PRKN: variants seen among roughly 807,000 people sequenced by gnomAD.
The protein encoded by PRKN is parkin RBR E3 ubiquitin protein ligase.
PRKN carries 56 observed loss-of-function variants against 59.5 expected under a neutral mutation model. That is an observed-to-expected ratio of 0.94 (90% CI 0.76 to 1.18). The LOEUF is 1.18. Ranked by LOEUF, PRKN falls within the 50% of genes most tolerant of loss-of-function variation. The pLI is 0.00. For synonymous variants in PRKN, 250 were observed against 222.1 expected (o/e 1.13, Z -1.12); for missense variants, 657 against 596.4 (o/e 1.10, Z -1.06).
At chr6:162,257,331 T>C (rs1393284131) in intron 3 of PRKN, among the ~76,000 whole-genome samples, 1 of 152,104 alleles carries the variant, frequency 6.6e-6, no homozygotes, top group Non-Finnish European at 1.5e-5. Flanking sequence ...CAAAAAATTC[T>C]GAAAAAGTAG....
At chr6:161,837,297 A>G (rs774795761) in intron 6 of PRKN, among the ~76,000 whole-genome samples, 11 of 152,166 alleles carry the variant, frequency 7.2e-5, no homozygotes, top group Non-Finnish European at 1.6e-4. Flanking sequence ...AACATTGAAG[A>G]GGAAAATTTA....
chr6:161,729,548 A>G (rs1293177901), intron 7 of PRKN, among the ~76,000 whole-genome samples: 1 of 152,188 alleles, frequency 6.6e-6, no homozygotes. Flanking sequence ...TTACAGTTCA[A>G]GGCAATTTCT....
Position 161,459,296 on chromosome 6 carries a change from T to C in PRKN, c.1084-72419A>G, listed in dbSNP as rs376525821. Among the ~76,000 whole-genome samples the C allele has an allele frequency of 6.6e-6, 1 of 152,242 alleles. No homozygotes were observed. Among genetic ancestry groups the C allele is most frequent in the African/African-American group, 2.4e-5 (1 of 41,464 alleles). On this transcript the variant is annotated intron_variant, in intron 9 of 11. Coordinates refer to ENST00000366898, the MANE Select transcript of PRKN (RefSeq NM_004562.3). The surrounding 1 kb of genome is among the most constrained non-coding windows in gnomAD (Gnocchi z 4.8). Reference sequence around the variant, plus strand: ...CCTAAAGGAAATGCTGTGGTCTCTCTCTTAAGAATGAGAACATTCTCAGAA... The same window carrying C: ...CCTAAAGGAAATGCTGTGGTCTCTCCCTTAAGAATGAGAACATTCTCAGAA...
chr6:161,876,559 C>A (rs1487021140), intron 6 of PRKN, among the ~76,000 whole-genome samples: 1 of 152,112 alleles, frequency 6.6e-6, no homozygotes, highest in Non-Finnish European at 1.5e-5. Context: ...GTGATCCTTT[C>A]TCCTTCGCAT....
chr6:162,299,347 G>A (rs865881050), intron 2 of PRKN, among the ~76,000 whole-genome samples: 13 of 152,218 alleles, frequency 8.5e-5, no homozygotes, highest in South Asian at 4.2e-4. Context: ...TGTCTCTCCC[G>A]GTGGGTAAGA....
Position 161,400,449 on chromosome 6 carries a change from A to C in PRKN, c.1084-13572T>G, listed in dbSNP as rs1786978804. ...CAGCCTCCCAAGTAGCTGGAATTAC[A>C]GGTGTGTGCCACCACGCCCAGCTAA... On this transcript the variant is annotated intron_variant, in intron 9 of 11. Transcript: ENST00000366898. This position sits in a 1 kb window ranked among gnomAD's most constrained non-coding sequence, Gnocchi z 4.2. Among the ~76,000 whole-genome samples, 1 of 151,978 alleles carries C rather than the reference A, an allele frequency of 6.6e-6. No homozygotes were observed. Among genetic ancestry groups the C allele is most frequent in the South Asian group, 2.1e-4 (1 of 4,824 alleles).
intron 7 of PRKN, among the ~76,000 whole-genome samples, chr6:161,682,998 T>G (rs773697239): frequency 6.6e-6 from 1 of 152,156 alleles, no homozygotes; most frequent in African/African-American, 2.4e-5. Context: ...CTGGCGGTGG[T>G]GAGGGCTCCT....
Position 161,400,184 on chromosome 6 carries a change from C to G in PRKN, c.1084-13307G>C, listed in dbSNP as rs926093342. Among the ~76,000 whole-genome samples the G allele has an allele frequency of 1.1e-4, 16 of 152,092 alleles. No homozygotes were observed. The highest frequency in any genetic ancestry group is 3.9e-4 in the African/African-American group (16 of 41,392). Reference sequence around the variant, plus strand: ...CAAGGACCCTGCTGTCTGAGGACTCCTTGCACGATGCAGAGTTCAGTTAAG... The same window carrying G: ...CAAGGACCCTGCTGTCTGAGGACTCGTTGCACGATGCAGAGTTCAGTTAAG... On this transcript the variant is annotated intron_variant, in intron 9 of 11. Coordinates refer to ENST00000366898, the MANE Select transcript of PRKN (RefSeq NM_004562.3). This position sits in a 1 kb window ranked among gnomAD's most constrained non-coding sequence, Gnocchi z 4.2.
Position 162,706,292 on chromosome 6 carries a change from C to T in PRKN, c.7+21370G>A, listed in dbSNP as rs1045352370. 3.9e-5 allele frequency among the ~76,000 whole-genome samples: 6 copies of T among 152,128 alleles called. 1 individual carries two copies. Among genetic ancestry groups the T allele is most frequent in the African/African-American group, 9.7e-5 (4 of 41,420 alleles). On this transcript the variant is annotated intron_variant, in intron 1 of 11. Transcript: ENST00000366898. ...GCTCGTCTTGCTTAGGGCCAACAGG[C>T]GCACTGCATGGAACTCAGCCAGCTT...
At chr6:161,505,653 T>G (rs1778138060) in intron 9 of PRKN, among the ~76,000 whole-genome samples, 1 of 149,616 alleles carries the variant, frequency 6.7e-6, no homozygotes, top group Admixed American at 6.6e-5. Context: ...GTTTTTATGG[T>G]TTTAGGTCTA....
chr6:161,738,346 G>A lies in PRKN; in HGVS notation c.871+47426C>T, dbSNP rs113617808. On this transcript the variant is annotated intron_variant, in intron 7 of 11. Transcript: ENST00000366898. ...GTCAGGAAGGACCAGGGGTGCTCCC[G>A]TCATCTTTAAAATCTTCCATTCTGC... Among the ~76,000 whole-genome samples the A allele has an allele frequency of 9.3e-3, 1,419 of 152,186 alleles. 25 individuals carry two copies. Among genetic ancestry groups the A allele is most frequent in the African/African-American group, 0.033 (1,351 of 41,512 alleles).
chr6:161,722,410 A>T (rs569495099), intron 7 of PRKN, among the ~76,000 whole-genome samples: 43 of 152,312 alleles, frequency 2.8e-4, no homozygotes, highest in African/African-American at 9.9e-4. Context: ...CTAACACTGT[A>T]TTATAATTTA....
chr6:162,701,206 A>G (rs1484771535), intron 1 of PRKN, among the ~76,000 whole-genome samples: 1 of 152,140 alleles, frequency 6.6e-6, no homozygotes, highest in Non-Finnish European at 1.5e-5. Context: ...CCAAAATTCA[A>G]TGTGATTATA....
chr6:161,693,088 AAT>A lies in PRKN; in HGVS notation c.871+92682_871+92683del, dbSNP rs528510177. Among the ~76,000 whole-genome samples the A allele has an allele frequency of 2.4e-3, 367 of 152,288 alleles. 2 individuals are homozygous for A. Among genetic ancestry groups the A allele is most frequent in the African/African-American group, 8.6e-3 (357 of 41,572 alleles). On this transcript the variant is annotated intron_variant, in intron 7 of 11. Coordinates refer to ENST00000366898, the MANE Select transcript of PRKN (RefSeq NM_004562.3). ...ATAAAAATATTTTTCTGATCATAAA[AAT>A]AGATGTCTTTAGAATTAAAAAAACA...
chr6:162,556,745 C>CAAAAAAA (rs58924466), intron 1 of PRKN, among the ~76,000 whole-genome samples: 38 of 90,780 alleles, frequency 4.2e-4, no homozygotes, highest in East Asian at 9.9e-4. Flanking sequence ...GACTCCATCT[C>CAAAAAAA]AAAAAAAAAA....
intron 1 of PRKN, among the ~76,000 whole-genome samples, chr6:162,563,594 T>A (rs1779941371): frequency 1.3e-5 from 2 of 152,166 alleles, no homozygotes; most frequent in Non-Finnish European, 2.9e-5. Context: ...ACCCAACTCT[T>A]CAATGCCCAG....
chr6:161,607,715 A>G (rs956337720), intron 7 of PRKN, among the ~76,000 whole-genome samples: 1 of 152,216 alleles, frequency 6.6e-6, no homozygotes, highest in African/African-American at 2.4e-5. Context: ...TCCCAGAAAG[A>G]GAAAATAAAG....
Position 161,820,902 on chromosome 6 carries a change from A to G in PRKN, c.735-34994T>C, listed in dbSNP as rs183285739. On this transcript the variant is annotated intron_variant, in intron 6 of 11. Coordinates refer to ENST00000366898, the MANE Select transcript of PRKN (RefSeq NM_004562.3). ...ACCTTTGAAGTATAAACGCCTTTGG[A>G]AAATACCCCCAATATGACACTATGT... Among the ~76,000 whole-genome samples the G allele has an allele frequency of 3.1e-3, 465 of 151,910 alleles. 2 individuals are homozygous for G. The highest frequency in any genetic ancestry group is 0.011 in the African/African-American group (441 of 41,528).
chr6:162,123,807 C>T (rs1417865911), intron 4 of PRKN, among the ~76,000 whole-genome samples: 3 of 152,184 alleles, frequency 2.0e-5, no homozygotes, highest in Non-Finnish European at 4.4e-5. Context: ...ATATGAATTA[C>T]TTAACTATTG....
Sources: gnomAD v4.1 joint callset for allele counts (sites outside exome capture counted in the v4.1 genomes callset) on GRCh38, gnomAD v4.1.1 for gene constraint, Gnocchi (gnomAD v3.1) non-coding constraint, MANE v1.5 for transcripts, NCBI Gene and HGNC (gene_info 2026-07-23, HGNC 2026-07-21) for gene names.